LRCH1: variants seen among roughly 807,000 people sequenced by gnomAD.
The protein encoded by LRCH1 is leucine rich repeats and calponin homology domain containing 1.
Under a neutral mutation model 94.9 loss-of-function variants are expected in LRCH1, and 23 were observed. The ratio of observed to expected loss-of-function variants is 0.24; its 90% CI spans 0.17 to 0.34. The LOEUF (loss-of-function observed/expected upper bound fraction) is 0.34, where lower values mean the gene tolerates loss of function less well. Ranked by LOEUF, LRCH1 falls within the 10% of genes least tolerant of loss-of-function variation. The pLI, the probability that LRCH1 is intolerant of heterozygous loss-of-function variation, is 1.00. For missense variants in LRCH1, 790 were observed against 945.9 expected (o/e 0.84, Z 2.16); for synonymous variants, 364 against 354.9 (o/e 1.03, Z -0.29).
At chr13:46,588,133 A>T (rs890214191) in intron 1 of LRCH1, among the ~76,000 whole-genome samples, 1 of 152,238 alleles carries the variant, frequency 6.6e-6, no homozygotes, top group African/African-American at 2.4e-5. Context: ...TGACTGACTT[A>T]TCTTGGAGTC....
chr13:46,720,494 T>C lies in LRCH1; in HGVS notation c.1760-2727T>C, dbSNP rs186991660. The stretch of plus-strand genomic sequence containing the variant: ...TTTTTTCTTATGTACACTTCAACAG[T>C]CACAGGAGCATTTGACTTGAAAAAT... On this transcript the variant is annotated intron_variant, in intron 16 of 19. Coordinates refer to ENST00000389797, the MANE Select transcript of LRCH1 (RefSeq NM_001164211.2). 1.9e-4 allele frequency among the ~76,000 whole-genome samples: 29 copies of C among 151,844 alleles called. No homozygotes were observed. The East Asian group carries it at 4.8e-3, about 25-fold the overall frequency.
At chr13:46,671,747 T>TA (rs1482871013) in intron 3 of LRCH1, among the ~76,000 whole-genome samples, 1 of 152,160 alleles carries the variant, frequency 6.6e-6, no homozygotes, top group Non-Finnish European at 1.5e-5. Context: ...GAATAACAAC[T>TA]AAAAAAACCA....
chr13:46,646,026 A>G (rs74076770), intron 1 of LRCH1, among the ~76,000 whole-genome samples: 1 of 152,208 alleles, frequency 6.6e-6, no homozygotes. Flanking sequence ...GCAAACTTCC[A>G]GCACTGTAGC....
At chr13:46,692,452 G>A in intron 7 of LRCH1, 84 bp from the exon 8 acceptor site, 1 of 941,254 alleles carries the variant, frequency 1.1e-6, no homozygotes, top group Non-Finnish European at 1.7e-6. Flanking sequence ...GAGAATCACA[G>A]GATGTTGTTT....
chr13:46,746,123 G>A (rs567124627), downstream of LRCH1, among the ~76,000 whole-genome samples: 2 of 152,328 alleles, frequency 1.3e-5, no homozygotes, highest in South Asian at 2.1e-4. Context: ...CTGGCTCTAA[G>A]ACACATGTAG....
chr13:46,718,443 T>C (rs1872433423), intron 16 of LRCH1, among the ~76,000 whole-genome samples: 1 of 152,326 alleles, frequency 6.6e-6, no homozygotes, highest in Non-Finnish European at 1.5e-5. Flanking sequence ...GGGCGTTTTG[T>C]AAAACTATAG....
intron 15 of LRCH1, among the ~76,000 whole-genome samples, chr13:46,715,142 ATT>A (rs1258010162): frequency 6.6e-6 from 1 of 152,114 alleles, no homozygotes; most frequent in Non-Finnish European, 1.5e-5. Flanking sequence ...TATGTCACCA[ATT>A]TTTTTGTGTG....
At chr13:46,681,146 A>G (rs777094009) in intron 3 of LRCH1, among the ~76,000 whole-genome samples, 1 of 152,204 alleles carries the variant, frequency 6.6e-6, no homozygotes, top group Non-Finnish European at 1.5e-5. Context: ...AGTGTATGGC[A>G]AGGTGGTCAG....
intron 1 of LRCH1, among the ~76,000 whole-genome samples, chr13:46,606,332 G>A (rs1246987961): frequency 1.3e-5 from 2 of 152,110 alleles, no homozygotes; most frequent in African/African-American, 4.8e-5. Flanking sequence ...GCTATTCTGA[G>A]TCTATAGGAC....
intron 1 of LRCH1, among the ~76,000 whole-genome samples, chr13:46,597,085 T>C (rs2137973815): frequency 6.6e-6 from 1 of 152,282 alleles, no homozygotes; most frequent in Middle Eastern, 3.4e-3. Context: ...CTAAAATGTA[T>C]TTGTAAGCCC....
At chr13:46,637,438 T>TCCG (rs2051105204) in intron 1 of LRCH1, among the ~76,000 whole-genome samples, 1 of 152,234 alleles carries the variant, frequency 6.6e-6, no homozygotes, top group Non-Finnish European at 1.5e-5. Context: ...TGTGATTGCC[T>TCCG]ACTCCATGAC....
At chr13:46,644,096 C>T (rs977636373) in intron 1 of LRCH1, among the ~76,000 whole-genome samples, 3 of 152,100 alleles carry the variant, frequency 2.0e-5, no homozygotes, top group Non-Finnish European at 4.4e-5. Flanking sequence ...GGAGCTTTAT[C>T]CATCGTTAGC....
chr13:46,588,822 C>T (rs1250622419), intron 1 of LRCH1, among the ~76,000 whole-genome samples: 4 of 151,980 alleles, frequency 2.6e-5, no homozygotes, highest in Non-Finnish European at 5.9e-5. Flanking sequence ...AGGCTGGTCT[C>T]GAACTCCTGA....
downstream of LRCH1, among the ~76,000 whole-genome samples, chr13:46,747,502 A>C (rs994023695): frequency 6.6e-6 from 1 of 152,228 alleles, no homozygotes; most frequent in Non-Finnish European, 1.5e-5. Context: ...TGCTCCATAT[A>C]AGCTGTGTCG....
chr13:46,705,377 A>G (rs1871704555), intron 13 of LRCH1, 73 bp downstream of exon 13: 2 of 1,296,902 alleles, frequency 1.5e-6, no homozygotes, highest in African/African-American at 2.9e-5. Context: ...CACATTCTGT[A>G]AAGATTTGTC....
intron 1 of LRCH1, among the ~76,000 whole-genome samples, chr13:46,587,694 T>C (rs181873705): frequency 5.8e-4 from 89 of 152,326 alleles, no homozygotes; most frequent in African/African-American, 2.1e-3. Flanking sequence ...AATAAACTTT[T>C]GGAGATGAAC....
At chr13:46,562,779 T>C (rs999389377) in intron 1 of LRCH1, among the ~76,000 whole-genome samples, 1 of 152,190 alleles carries the variant, frequency 6.6e-6, no homozygotes, top group African/African-American at 2.4e-5. Context: ...GTCTGTTTGT[T>C]AACCATCCTG....
chr13:46,698,675 A>G (rs1871316814), intron 9 of LRCH1, among the ~76,000 whole-genome samples: 1 of 152,192 alleles, frequency 6.6e-6, no homozygotes, highest in African/African-American at 2.4e-5. Flanking sequence ...CAGGAGAGGG[A>G]TCTCTCAATA....
intron 17 of LRCH1, among the ~76,000 whole-genome samples, chr13:46,727,921 C>CT (rs1555288189): frequency 2.5e-4 from 37 of 146,448 alleles, no homozygotes; most frequent in African/African-American, 5.8e-4. Flanking sequence ...TTCTTTCTTT[C>CT]TTTTTTTTTT....
Sources: gnomAD v4.1 joint callset for allele counts (sites outside exome capture counted in the v4.1 genomes callset) on GRCh38, gnomAD v4.1.1 for gene constraint, MANE v1.5 for transcripts, NCBI Gene and HGNC (gene_info 2026-07-23, HGNC 2026-07-21) for gene names.